DOCK5: variants seen among roughly 807,000 people sequenced by gnomAD.
DOCK5 encodes the protein dedicator of cytokinesis 5.
Under a neutral mutation model 251.8 loss-of-function variants are expected in DOCK5, and 142 were observed. That is an observed-to-expected ratio of 0.56 (90% CI 0.49 to 0.65). DOCK5 has a LOEUF of 0.65. DOCK5 is among the 30% of genes least tolerant of loss of function. The pLI is 0.00. For synonymous variants in DOCK5, 842 were observed against 835.5 expected, an observed-to-expected ratio of 1.01 and a Z score of -0.13; for missense variants, 2,111 against 2,312.3, an observed-to-expected ratio of 0.91 and a Z score of 1.79.
At chr8:25,260,066 A>G (rs562644128) in intron 2 of DOCK5, among the ~76,000 whole-genome samples, 11 of 151,866 alleles carry the variant, frequency 7.2e-5, no homozygotes, top group Admixed American at 6.6e-4. Context: ...TCTGTAAGGA[A>G]GGATTTTAGA....
intron 2 of DOCK5, among the ~76,000 whole-genome samples, chr8:25,257,312 G>A (rs901901831): frequency 6.6e-6 from 1 of 151,972 alleles, no homozygotes; most frequent in Admixed American, 6.6e-5. Flanking sequence ...TACAATCCTG[G>A]GAGACCAGAA....
intron 11 of DOCK5, among the ~76,000 whole-genome samples, chr8:25,306,185 T>G (rs1355271057): frequency 6.6e-6 from 1 of 151,956 alleles, no homozygotes; most frequent in Non-Finnish European, 1.5e-5. Flanking sequence ...TAAAATAAAA[T>G]AGTTAAAAAA....
At chr8:25,372,233 T>C (rs1800885695) in intron 34 of DOCK5, among the ~76,000 whole-genome samples, 1 of 152,204 alleles carries the variant, frequency 6.6e-6, no homozygotes, top group Non-Finnish European at 1.5e-5. Context: ...GTTTGTTGAC[T>C]GAATAAAACA....
In DOCK5 at chr8:25,382,881, C is replaced by G. The variant is rs534048639; in HGVS notation, c.4131+103C>G. 2.5e-5 allele frequency: 24 copies of G among 942,540 alleles called. No individual in the cohort carries two copies. The East Asian group carries it at 3.8e-4, about 15-fold the overall frequency. The allele number at this position is 942,540 out of a possible 1,614,324, so 58.4% of individuals were successfully genotyped here. ...GTGTTAGCAGCTGCCGACCCGTGTTCTCGCTGTGGGAGGTAGGGGAGGGAA... is the reference window on the plus strand; with the variant it reads ...GTGTTAGCAGCTGCCGACCCGTGTTGTCGCTGTGGGAGGTAGGGGAGGGAA... On this transcript the variant is annotated intron_variant, in intron 40 of 51. Transcript: ENST00000276440.
rs916414382 is a variant in DOCK5 at position 25,209,274 on chromosome 8, G to A, written c.43+24323G>A. On this transcript the variant is annotated intron_variant, in intron 1 of 51. Coordinates refer to ENST00000276440, the MANE Select transcript of DOCK5 (RefSeq NM_024940.8). ...AAGTCATGCATGGCGGGTCTTGCCC[G>A]AGGCTCAGGCAGACACACAATGAGG... 1.8e-4 allele frequency among the ~76,000 whole-genome samples: 13 copies of A among 72,032 alleles called. 3 individuals are homozygous for A. The highest frequency in any genetic ancestry group is 4.1e-4 in the African/African-American group (13 of 31,832). The allele number at this position is 72,032 out of a possible 152,430, so 47.3% of individuals were successfully genotyped here.
intron 4 of DOCK5, among the ~76,000 whole-genome samples, chr8:25,278,358 G>T (rs554428778): frequency 6.6e-6 from 1 of 152,290 alleles, no homozygotes; most frequent in East Asian, 1.9e-4. Flanking sequence ...TCATTCAGTT[G>T]CAGGAACGGA....
chr8:25,246,942 A>G (rs1803133586), intron 2 of DOCK5, among the ~76,000 whole-genome samples: 1 of 151,688 alleles, frequency 6.6e-6, no homozygotes, highest in Non-Finnish European at 1.5e-5. Flanking sequence ...GCTGGAGTAC[A>G]GTAGTGTGAT....
At position 25,291,877 on chromosome 8, in the gene DOCK5, A is replaced by AG. The variant is rs987197288; in HGVS notation, c.322-147_322-146insG. The AG allele has an allele frequency of 1.6e-5, 14 of 868,610 alleles. No homozygotes were observed. The African/African-American group carries it at 2.1e-4, about 13-fold the overall frequency. 53.8% of individuals were successfully genotyped at this position (868,610 alleles called of 1,614,324 possible). ...GACAGAGCAAGACTCCATCACAAAA[A>AG]AAAAAAAAAAAAGAATCGGCCAAAA... On this transcript the variant is annotated intron_variant, in intron 5 of 51. Coordinates refer to ENST00000276440, the MANE Select transcript of DOCK5 (RefSeq NM_024940.8).
chr8:25,192,682 T>C (rs924250963), intron 1 of DOCK5, among the ~76,000 whole-genome samples: 4 of 152,140 alleles, frequency 2.6e-5, no homozygotes, highest in African/African-American at 4.8e-5. Flanking sequence ...ATTTTTGTTG[T>C]TGTTGTTTTC....
At position 25,351,706 on chromosome 8, in the gene DOCK5, G is replaced by T. The variant is rs1319291228; in HGVS notation, c.2755-25G>T. The T allele has an allele frequency of 1.9e-6, 3 of 1,587,596 alleles. No homozygotes were observed. The African/African-American group carries it at 4.0e-5, about 21-fold the overall frequency. On this transcript the variant is annotated intron_variant, in intron 26 of 51. Coordinates refer to ENST00000276440, the MANE Select transcript of DOCK5 (RefSeq NM_024940.8). The stretch of plus-strand genomic sequence containing the variant: ...AAGTGAAACTGAGTCAGAAGGAATG[G>T]AGTCAAATCCTGTGTTCCCTGCAGG...
intron 1 of DOCK5, among the ~76,000 whole-genome samples, chr8:25,236,011 T>A (rs1200058368): frequency 2.3e-4 from 35 of 152,066 alleles, no homozygotes; most frequent in Admixed American, 2.3e-3. Flanking sequence ...TTGGCCAGGC[T>A]GATCTTGAAC....
At chr8:25,248,998 A>G (rs558001622) in intron 2 of DOCK5, among the ~76,000 whole-genome samples, 4 of 151,854 alleles carry the variant, frequency 2.6e-5, no homozygotes, top group African/African-American at 7.3e-5. Context: ...TTTTGTTTTT[A>G]TTTTATTTAT....
In DOCK5 at chr8:25,246,704, T is replaced by TTGTGTGTGTGTG. The variant is rs55963570; in HGVS notation, c.127+2988_127+2999dup. ...GGTAATTCTTCACTGCCATGTTAGT[T>TTGTGTGTGTGTG]TGTGTGTGTGTGTGTGTGTGTGTGT... On this transcript the variant is annotated intron_variant, in intron 2 of 51. Coordinates refer to ENST00000276440, the MANE Select transcript of DOCK5 (RefSeq NM_024940.8). 9.5e-4 allele frequency among the ~76,000 whole-genome samples: 85 copies of TTGTGTGTGTGTG among 89,600 alleles called. 1 individual carries two copies. Among genetic ancestry groups the TTGTGTGTGTGTG allele is most frequent in the African/African-American group, 2.9e-3 (73 of 25,256 alleles). 58.8% of individuals were successfully genotyped at this position (89,600 alleles called of 152,430 possible).
intron 15 of DOCK5, 149 bp from the exon 16 acceptor site, chr8:25,320,831 C>T (rs1232569580): frequency 1.6e-6 from 1 of 622,924 alleles, no homozygotes; most frequent in Non-Finnish European, 2.8e-6. Flanking sequence ...GAAAATAGCT[C>T]AGTCTCCTTT....
Position 25,345,253 on chromosome 8 carries a change from C to CT in DOCK5, c.2618-222_2618-221insT, listed in dbSNP as rs1800337319. 6 of 377,374 alleles carry CT rather than the reference C, an allele frequency of 1.6e-5. No homozygotes were observed. In the East Asian group the frequency reaches 2.3e-4, roughly 15 times the overall value. 23.4% of individuals were successfully genotyped at this position (377,374 alleles called of 1,614,324 possible). On this transcript the variant is annotated intron_variant, in intron 25 of 51. Transcript: ENST00000276440. ...TCCCACCTTCACCTGTGAGAAGGGT[C>CT]ATTTTTTTTTTTTTTAATTCATTCA...
At chr8:25,365,025 C>T (rs927797292) in intron 30 of DOCK5, among the ~76,000 whole-genome samples, 2 of 152,192 alleles carry the variant, frequency 1.3e-5, no homozygotes, top group Non-Finnish European at 2.9e-5. Context: ...CACAAATGCA[C>T]ATAGACACAC....
intron 27 of DOCK5, among the ~76,000 whole-genome samples, chr8:25,353,501 G>T (rs932135378): frequency 6.6e-6 from 1 of 152,066 alleles, no homozygotes; most frequent in Non-Finnish European, 1.5e-5. Context: ...TATGGAAATT[G>T]GAGAATTCCT....
intron 2 of DOCK5, among the ~76,000 whole-genome samples, chr8:25,245,451 G>T (rs1803073714): frequency 6.6e-6 from 1 of 151,868 alleles, no homozygotes; most frequent in Admixed American, 6.6e-5. Context: ...TTTTCCTATT[G>T]TGCAGGTAAA....
chr8:25,328,303 CAG>C (rs1188776278), intron 18 of DOCK5, among the ~76,000 whole-genome samples: 1 of 151,950 alleles, frequency 6.6e-6, no homozygotes, highest in Non-Finnish European at 1.5e-5. Context: ...TTGTCTGAGT[CAG>C]AGAGGAGTGA....
Sources: allele counts gnomAD v4.1 joint callset (sites outside exome capture counted in the v4.1 genomes callset), GRCh38; gene constraint gnomAD v4.1.1; transcripts MANE v1.5; gene names NCBI Gene and HGNC (gene_info 2026-07-23, HGNC 2026-07-21).